Variants in SH3BGRL observed in about 807,000 individuals in gnomAD.
The protein encoded by SH3BGRL is SH3 domain binding glutamate rich protein like.
In SH3BGRL, 7 loss-of-function variants were observed where a neutral mutation model predicts 9.8. The observed-to-expected ratio is 0.72, with a 90% CI of 0.41 to 1.35. The LOEUF (loss-of-function observed/expected upper bound fraction) is 1.35, where lower values mean the gene tolerates loss of function less well. Ranked by LOEUF, SH3BGRL falls within the 40% of genes most tolerant of loss-of-function variation. The probability of loss-of-function intolerance (pLI) is 0.01; values close to 1 mark genes in which losing one functional copy is unlikely to be tolerated. For synonymous variants in SH3BGRL, 36 were observed against 29.1 expected, an observed-to-expected ratio of 1.24 and a Z score of -0.76; for missense variants, 73 against 84.4, an observed-to-expected ratio of 0.86 and a Z score of 0.53.
chrX:81,253,827 G>A (rs764765018), intron 1 of SH3BGRL, among the ~76,000 whole-genome samples: 2 of 112,078 alleles, frequency 1.8e-5, no homozygotes, highest in African/African-American at 6.5e-5. Flanking sequence ...TTTCAAAGAT[G>A]CAAATATCCT....
Position 81,264,716 on chromosome X carries a change from G to T in SH3BGRL, c.46-12268G>T, listed in dbSNP as rs767505113. Among the ~76,000 whole-genome samples, 4 of 110,799 alleles carry T rather than the reference G, an allele frequency of 3.6e-5. No individual in the cohort carries two copies. The South Asian group carries it at 1.6e-3, about 43-fold the overall frequency. On this transcript the variant is annotated intron_variant, in intron 1 of 3. Coordinates refer to ENST00000373212, the MANE Select transcript of SH3BGRL (RefSeq NM_003022.3). ...TCCCTCTACTTCAAATATGCTCACTGTCTGCCCTTTCTGTGAAGACTAAAG... is the reference window on the plus strand; with the variant it reads ...TCCCTCTACTTCAAATATGCTCACTTTCTGCCCTTTCTGTGAAGACTAAAG...
At chrX:81,277,310 G>T in intron 2 of SH3BGRL, 141 bp downstream of exon 2, 3 of 499,986 alleles carry the variant, frequency 6.0e-6, no homozygotes, top group Non-Finnish European at 9.8e-6. Flanking sequence ...CCACTCAAAG[G>T]CTGGATGTAG....
At chrX:81,214,133 G>C (rs766984199) in intron 1 of SH3BGRL, among the ~76,000 whole-genome samples, 2 of 111,946 alleles carry the variant, frequency 1.8e-5, no homozygotes, top group African/African-American at 3.2e-5. Flanking sequence ...TAGAAACCAT[G>C]GTAGGGAAGA....
intron 1 of SH3BGRL, among the ~76,000 whole-genome samples, chrX:81,250,279 A>T (rs2075705091): frequency 9.1e-6 from 1 of 109,514 alleles, no homozygotes; most frequent in Non-Finnish European, 1.9e-5. Context: ...ACATGCCTGT[A>T]GTCCCAGCTA....
At chrX:81,293,753 G>T (rs960283179) in intron 3 of SH3BGRL, among the ~76,000 whole-genome samples, 2 of 112,188 alleles carry the variant, frequency 1.8e-5, no homozygotes, top group Admixed American at 1.9e-4. Context: ...GGGCTCAGAA[G>T]AAGACAGGAA....
chrX:81,236,744 G>A (rs2075649278), intron 1 of SH3BGRL, among the ~76,000 whole-genome samples: 1 of 111,801 alleles, frequency 8.9e-6, no homozygotes, highest in South Asian at 3.7e-4. Context: ...ATAAAAAAGT[G>A]GCAGTGTTTG....
chrX:81,298,177 AT>A lies in SH3BGRL; in HGVS notation c.*953del, dbSNP rs2075882031. The A allele has an allele frequency of 9.0e-6, 1 of 111,614 alleles. No individual in the cohort carries two copies. 9.2% of individuals were successfully genotyped at this position (111,614 alleles called of 1,213,427 possible). On this transcript the variant is annotated 3_prime_UTR_variant, in exon 4 of 4. Transcript: ENST00000373212. ...TATTCCTAAGATATCTTACCTTTTT[AT>A]TTCAGTTTAGCCATGTATTGTATGA...
intron 1 of SH3BGRL, among the ~76,000 whole-genome samples, chrX:81,228,670 G>C (rs1430577823): frequency 3.6e-5 from 4 of 111,662 alleles, no homozygotes; most frequent in Non-Finnish European, 7.5e-5. Context: ...CCAAGAGGAG[G>C]GGTCCATTTA....
intron 3 of SH3BGRL, among the ~76,000 whole-genome samples, chrX:81,288,677 C>A (rs1417059068): frequency 9.0e-6 from 1 of 111,454 alleles, no homozygotes; most frequent in Non-Finnish European, 1.9e-5. Context: ...GAAGTAATTC[C>A]ATTTACAATA....
intron 1 of SH3BGRL, among the ~76,000 whole-genome samples, chrX:81,230,400 G>A (rs2075629374): frequency 8.9e-6 from 1 of 112,219 alleles, no homozygotes; most frequent in South Asian, 3.7e-4. Context: ...AGAGTTTAGA[G>A]TGAGAGTGTA....
chrX:81,287,490 A>G (rs1320322536), intron 3 of SH3BGRL, among the ~76,000 whole-genome samples: 2 of 112,272 alleles, frequency 1.8e-5, no homozygotes, highest in African/African-American at 3.2e-5. Context: ...AATGTTTATC[A>G]GTAAATAAAA....
At chrX:81,237,563 ATTG>A (rs1456443345) in intron 1 of SH3BGRL, among the ~76,000 whole-genome samples, 1 of 111,448 alleles carries the variant, frequency 9.0e-6, no homozygotes, top group Non-Finnish European at 1.9e-5. Context: ...CCAGAAGGGA[ATTG>A]TTGATACTAG....
chrX:81,256,106 T>G (rs1038932234), intron 1 of SH3BGRL, among the ~76,000 whole-genome samples: 5 of 112,055 alleles, frequency 4.5e-5, no homozygotes, highest in Non-Finnish European at 9.4e-5. Flanking sequence ...TTTTCCCCCT[T>G]TTTCAGAAAC....
intron 1 of SH3BGRL, among the ~76,000 whole-genome samples, chrX:81,246,770 T>A (rs2075690847): frequency 9.0e-6 from 1 of 111,625 alleles, no homozygotes. Flanking sequence ...TGTTTTTGCT[T>A]AGGATTTCTA....
intron 1 of SH3BGRL, among the ~76,000 whole-genome samples, chrX:81,269,665 C>A (rs2075770959): frequency 9.0e-6 from 1 of 111,162 alleles, no homozygotes; most frequent in Non-Finnish European, 1.9e-5. Context: ...TCCTTCATTT[C>A]AACCTTGGTG....
intron 1 of SH3BGRL, among the ~76,000 whole-genome samples, chrX:81,243,723 AT>A (rs1468537806): frequency 3.6e-5 from 4 of 111,333 alleles, no homozygotes; most frequent in Non-Finnish European, 5.7e-5. Context: ...TTAAAAAAAA[AT>A]AAGTAAATTC....
intron 1 of SH3BGRL, among the ~76,000 whole-genome samples, chrX:81,214,772 T>C (rs2075576350): frequency 8.9e-6 from 1 of 112,380 alleles, no homozygotes; most frequent in African/African-American, 3.2e-5. Context: ...AAAGTTCTCA[T>C]AAAAAGTATG....
chrX:81,261,727 G>A (rs764390148), intron 1 of SH3BGRL, among the ~76,000 whole-genome samples: 67 of 111,246 alleles, frequency 6.0e-4, no homozygotes, highest in African/African-American at 2.1e-3. Context: ...TTTGCTAGTT[G>A]GGAATGGATA....
intron 1 of SH3BGRL, among the ~76,000 whole-genome samples, chrX:81,210,009 G>T (rs1042882512): frequency 4.5e-5 from 5 of 111,188 alleles, no homozygotes; most frequent in Non-Finnish European, 7.5e-5. Context: ...AACCAGGAAG[G>T]CAGTACTGCT....
Sources: gnomAD v4.1 joint callset for allele counts (sites outside exome capture counted in the v4.1 genomes callset) on GRCh38, gnomAD v4.1.1 for gene constraint, MANE v1.5 for transcripts, NCBI Gene and HGNC (gene_info 2026-07-23, HGNC 2026-07-21) for gene names.